Variants in FKBP5 observed in about 807,000 individuals in gnomAD.
The protein encoded by FKBP5 is peptidyl-prolyl cis-trans isomerase FKBP5.
A neutral mutation model predicts 50.5 loss-of-function variants in FKBP5; 23 were observed. That is an observed-to-expected ratio of 0.46 (90% CI 0.33 to 0.65). The LOEUF (loss-of-function observed/expected upper bound fraction) is 0.65, where lower values mean the gene tolerates loss of function less well. Among genes scored for constraint, FKBP5 ranks in the 30% least tolerant of loss-of-function variants. The probability of loss-of-function intolerance (pLI) is 0.02; values close to 1 mark genes in which losing one functional copy is unlikely to be tolerated. For synonymous variants in FKBP5, 176 were observed against 190.6 expected (o/e 0.92, Z 0.63); for missense variants, 411 against 553.1 (o/e 0.74, Z 2.58).
At chr6:35,631,975 A>T (rs907225213) in intron 3 of FKBP5, among the ~76,000 whole-genome samples, 1 of 149,736 alleles carries the variant, frequency 6.7e-6, no homozygotes, top group African/African-American at 2.4e-5. Context: ...AAAAAAAAAA[A>T]GGGTAGAAAT....
At chr6:35,717,354 A>G (rs1766529027) in intron 2 of FKBP5, among the ~76,000 whole-genome samples, 1 of 152,112 alleles carries the variant, frequency 6.6e-6, no homozygotes, top group Non-Finnish European at 1.5e-5. Flanking sequence ...CTGTGCGCCC[A>G]TGTGTGTGCA....
At chr6:35,650,909 A>G (rs77571794) in intron 1 of FKBP5, among the ~76,000 whole-genome samples, 1 of 152,216 alleles carries the variant, frequency 6.6e-6, no homozygotes, top group African/African-American at 2.4e-5. Flanking sequence ...TGTTCATTAC[A>G]TGCCAAAATG....
intron 2 of FKBP5, among the ~76,000 whole-genome samples, chr6:35,709,900 T>C (rs1415552972): frequency 6.7e-6 from 1 of 148,852 alleles, no homozygotes; most frequent in East Asian, 1.9e-4. Flanking sequence ...AGACAAGAGA[T>C]GTTTGTTCAT....
At chr6:35,674,599 TTAATAA>T (rs1765478765) in intron 1 of FKBP5, among the ~76,000 whole-genome samples, 1 of 152,248 alleles carries the variant, frequency 6.6e-6, no homozygotes, top group Non-Finnish European at 1.5e-5. Flanking sequence ...TCTCAACTTA[TTAATAA>T]TAATTTATCA....
intron 3 of FKBP5, among the ~76,000 whole-genome samples, chr6:35,630,538 C>G (rs1190641956): frequency 6.6e-6 from 1 of 152,028 alleles, no homozygotes; most frequent in Non-Finnish European, 1.5e-5. Flanking sequence ...GAGCGAGACT[C>G]CGTCTCAAAA....
chr6:35,633,229 CT>C (rs1561867752), intron 3 of FKBP5, among the ~76,000 whole-genome samples: 4 of 151,848 alleles, frequency 2.6e-5, no homozygotes, highest in Non-Finnish European at 1.5e-5. Context: ...GATAAACTAC[CT>C]AATGCTATAA....
chr6:35,720,241 T>G (rs1174739381), intron 2 of FKBP5: 1 of 152,506 alleles, frequency 6.6e-6, no homozygotes, highest in Non-Finnish European at 1.5e-5. Context: ...CAGGGAAGCC[T>G]GGGAATGGGT....
At chr6:35,657,605 AC>A (rs1764991894) in intron 1 of FKBP5, among the ~76,000 whole-genome samples, 1 of 152,188 alleles carries the variant, frequency 6.6e-6, no homozygotes, top group Non-Finnish European at 1.5e-5. Flanking sequence ...AAAGCTTTTA[AC>A]CTTGTTCACA....
chr6:35,634,905 T>G (rs943191860), intron 3 of FKBP5, among the ~76,000 whole-genome samples: 2 of 151,904 alleles, frequency 1.3e-5, no homozygotes, highest in Non-Finnish European at 2.9e-5. Context: ...TAACAGCATT[T>G]GAGGCCAGGT....
intron 8 of FKBP5, chr6:35,582,731 A>C: frequency 1.0e-6 from 1 of 985,044 alleles, no homozygotes; most frequent in African/African-American, 1.7e-5. Flanking sequence ...TTTGGATGCT[A>C]CAAAAAAAAA....
At chr6:35,688,718 G>C (rs1391053821) in intron 1 of FKBP5, 86 bp downstream of exon 1, 3 of 150,728 alleles carry the variant, frequency 2.0e-5, no homozygotes, top group Non-Finnish European at 4.4e-5. Context: ...CAGCGAGTGC[G>C]ACCGCGGCGG....
chr6:35,621,105 A>G (rs1363203048), intron 3 of FKBP5, among the ~76,000 whole-genome samples: 2 of 152,206 alleles, frequency 1.3e-5, no homozygotes, highest in African/African-American at 4.8e-5. Context: ...AAACAAAAAC[A>G]TATGTGTCTT....
At chr6:35,623,431 T>C (rs1210983645) in intron 3 of FKBP5, among the ~76,000 whole-genome samples, 1 of 152,182 alleles carries the variant, frequency 6.6e-6, no homozygotes, top group Non-Finnish European at 1.5e-5. Context: ...CCAACAGTAA[T>C]CTAATGAGAC....
intron 1 of FKBP5, among the ~76,000 whole-genome samples, chr6:35,655,480 C>T (rs1158372983): frequency 6.6e-6 from 1 of 152,112 alleles, no homozygotes; most frequent in Admixed American, 6.5e-5. Context: ...TTCTAAGTGT[C>T]CTGATGATTT....
intron 1 of FKBP5, among the ~76,000 whole-genome samples, chr6:35,682,976 C>T (rs1392850060): frequency 6.9e-6 from 1 of 145,200 alleles, no homozygotes; most frequent in Non-Finnish European, 1.5e-5. Flanking sequence ...AGGTTAAAAA[C>T]ATACGTCAAT....
intron 5 of FKBP5, 105 bp downstream of exon 5, chr6:35,618,991 C>T: frequency 2.6e-6 from 2 of 765,190 alleles, no homozygotes; most frequent in Non-Finnish European, 4.4e-6. Context: ...TCACTGCGCA[C>T]AGCCGATATA....
chr6:35,722,690 T>C (rs941527554), intron 1 of FKBP5, among the ~76,000 whole-genome samples: 7 of 152,256 alleles, frequency 4.6e-5, no homozygotes, highest in Non-Finnish European at 1.0e-4. Context: ...TTATACACAC[T>C]GTTCCTTCTA....
At chr6:35,613,782 C>A (rs555249012) in intron 5 of FKBP5, among the ~76,000 whole-genome samples, 19 of 152,290 alleles carry the variant, frequency 1.2e-4, no homozygotes, top group African/African-American at 4.6e-4. Flanking sequence ...AAAACCAAGA[C>A]GGTCTTTTGA....
chr6:35,622,726 T>C (rs1038162351), intron 3 of FKBP5, among the ~76,000 whole-genome samples: 4 of 152,210 alleles, frequency 2.6e-5, no homozygotes, highest in South Asian at 4.1e-4. Context: ...TCATTTATTA[T>C]ATATCTTCAT....
Sources: allele counts gnomAD v4.1 joint callset (sites outside exome capture counted in the v4.1 genomes callset), GRCh38; gene constraint gnomAD v4.1.1; transcripts MANE v1.5; gene names NCBI Gene and HGNC (gene_info 2026-07-23, HGNC 2026-07-21).